The following PPP4R3B variants were observed in gnomAD, a reference collection of about 807,000 sequenced individuals.
PPP4R3B encodes the protein serine/threonine-protein phosphatase 4 regulatory subunit 3B.
Under a neutral mutation model 95.4 loss-of-function variants are expected in PPP4R3B, and 52 were observed. That is an observed-to-expected ratio of 0.54 (90% CI 0.44 to 0.69). PPP4R3B has a LOEUF of 0.69. PPP4R3B is among the 30% of genes least tolerant of loss of function. The probability of loss-of-function intolerance (pLI) is 0.00; values close to 1 mark genes in which losing one functional copy is unlikely to be tolerated. For missense variants in PPP4R3B, 1,003 were observed against 1,005.9 expected (o/e 1.00, Z 0.04); for synonymous variants, 407 against 343.9 (o/e 1.18, Z -2.03).
chr2:55,580,457 T>C (rs1227797802), intron 8 of PPP4R3B, among the ~76,000 whole-genome samples: 1 of 152,252 alleles, frequency 6.6e-6, no homozygotes, highest in South Asian at 2.1e-4. Flanking sequence ...CACATTTGAA[T>C]CTGTTTTGGA....
Position 55,598,931 on chromosome 2 carries a change from T to G in PPP4R3B, c.406A>C (p.Thr136Pro), listed in dbSNP as rs1692180998. ...PETSHLIDLPTCELNKLEEIA... is the reference protein window; with the variant it reads ...PETSHLIDLPPCELNKLEEIA... ...TCTTCAAGTTTATTGAGTTCACATG[T>G]GGGCAGGTCAATCAGATGACTAGTT... Residue 136 changes from threonine to proline, a missense_variant, in exon 4 of 17, where the codon ACA becomes CCA. By Grantham distance (38) the Thr-to-Pro change is conservative. Coordinates refer to ENST00000616407, the MANE Select transcript of PPP4R3B (RefSeq NM_001122964.3). 2 of 1,614,090 alleles carry G rather than the reference T, an allele frequency of 1.2e-6. No individual in the cohort carries two copies. Among genetic ancestry groups the G allele is most frequent in the Non-Finnish European group, 1.7e-6 (2 of 1,180,054 alleles).
In PPP4R3B at chr2:55,587,998, T is replaced by C. The variant is rs908273315; in HGVS notation, c.999+881A>G. The stretch of plus-strand genomic sequence containing the variant: ...AATATCAGATAGCTAAATTATAGAA[T>C]TGAATATGCATTACTATAACATATA... On this transcript the variant is annotated intron_variant, in intron 5 of 16. Coordinates refer to ENST00000616407, the MANE Select transcript of PPP4R3B (RefSeq NM_001122964.3). Among the ~76,000 whole-genome samples, 10 of 152,306 alleles carry C rather than the reference T, an allele frequency of 6.6e-5. No individual in the cohort carries two copies. The East Asian group carries it at 1.2e-3, about 18-fold the overall frequency.
intron 13 of PPP4R3B, among the ~76,000 whole-genome samples, chr2:55,566,375 A>G (rs1252352560): frequency 2.0e-5 from 3 of 152,220 alleles, no homozygotes; most frequent in Non-Finnish European, 2.9e-5. Flanking sequence ...CATCATGGGC[A>G]TAGGGACAGG....
In PPP4R3B at chr2:55,578,196, TCATAACAA is replaced by T. The variant is rs572602095; in HGVS notation, c.1564+43_1564+50del. 4,472 of 1,331,756 alleles carry T rather than the reference TCATAACAA, an allele frequency of 3.4e-3. 10 individuals carry two copies. The highest frequency in any genetic ancestry group is 3.7e-3 in the Non-Finnish European group (3,833 of 1,035,080). 82.5% of individuals were successfully genotyped at this position (1,331,756 alleles called of 1,614,324 possible). On this transcript the variant is annotated intron_variant, in intron 10 of 16. Coordinates refer to ENST00000616407, the MANE Select transcript of PPP4R3B (RefSeq NM_001122964.3). ...AGAAAAATAATACCGTATATACACA[TCATAACAA>T]CATAAGTAAATATAGGAGTGATACA... is the stretch of plus-strand genomic sequence containing the variant.
chr2:55,586,573 A>G (rs1480831075), intron 6 of PPP4R3B, 45 bp downstream of exon 6: 2 of 1,156,992 alleles, frequency 1.7e-6, no homozygotes, highest in Non-Finnish European at 1.3e-6. Context: ...TAAGTGTATT[A>G]CAAATTTACA....
intron 15 of PPP4R3B, among the ~76,000 whole-genome samples, chr2:55,562,770 G>A (rs570503619): frequency 2.0e-5 from 3 of 152,226 alleles, no homozygotes; most frequent in African/African-American, 7.2e-5. Context: ...TCTACATTGT[G>A]GTATCTAGCA....
chr2:55,582,403 G>A (rs991394556), intron 7 of PPP4R3B, among the ~76,000 whole-genome samples: 2 of 152,106 alleles, frequency 1.3e-5, no homozygotes, highest in South Asian at 4.1e-4. Flanking sequence ...AAAGGCATGA[G>A]CCACCATGCC....
intron 7 of PPP4R3B, among the ~76,000 whole-genome samples, chr2:55,582,666 T>G (rs908472344): frequency 6.6e-6 from 1 of 152,186 alleles, no homozygotes; most frequent in Non-Finnish European, 1.5e-5. Flanking sequence ...TCTGGTAAGA[T>G]CAAGAAAACA....
rs1574832386 is a variant in PPP4R3B at position 55,590,002 on chromosome 2, AT to A, written c.922-1047del. ...ATATTTAATATATTATATATATATA[AT>A]ATATATATAGTCAAGCACGCATTTT... On this transcript the variant is annotated intron_variant, in intron 4 of 16. Coordinates refer to ENST00000616407, the MANE Select transcript of PPP4R3B (RefSeq NM_001122964.3). Among the ~76,000 whole-genome samples, 4 of 144,822 alleles carry A rather than the reference AT, an allele frequency of 2.8e-5. No homozygotes were observed. In the East Asian group the frequency reaches 7.9e-4, roughly 29 times the overall value.
intron 15 of PPP4R3B, 65 bp from the exon 16 acceptor site, chr2:55,559,033 C>T (rs1686239325): frequency 2.3e-6 from 3 of 1,304,468 alleles, no homozygotes; most frequent in South Asian, 2.8e-5. Flanking sequence ...CATCTAAAAA[C>T]AGCAGTAATT....
Position 55,573,633 on chromosome 2 carries a change from G to C in PPP4R3B, c.1751C>G (p.Thr584Ser). The C allele has an allele frequency of 6.5e-7, 1 of 1,536,264 alleles. No homozygotes were observed. Among genetic ancestry groups the C allele is most frequent in the Non-Finnish European group, 8.7e-7 (1 of 1,142,976 alleles). Residue 584 changes from threonine (T) to serine (S), a missense_variant, in exon 12 of 17, where the codon ACT (threonine) becomes AGT (serine). Physicochemically the swap from Thr to Ser is moderately conservative, Grantham distance 58 (BLOSUM62 1). Around this residue, in one of 3 missense-constraint regions of PPP4R3B, gnomAD observed 79 missense variants for 124.9 expected, o/e 0.63. Coordinates refer to ENST00000616407, the MANE Select transcript of PPP4R3B (RefSeq NM_001122964.3). ...RVLVLMNSKH[T>S]FLALCALRFM... ...TTTATACTTACACAAGGCCAGAAAA[G>C]TGTGCTTTGAATTCATCAAGACCAA...
At chr2:55,594,462 T>A (rs1195520621) in intron 4 of PPP4R3B, among the ~76,000 whole-genome samples, 1 of 152,154 alleles carries the variant, frequency 6.6e-6, no homozygotes, top group Admixed American at 6.5e-5. Context: ...AATAAAAAGC[T>A]GCACTTGATT....
intron 7 of PPP4R3B, among the ~76,000 whole-genome samples, chr2:55,583,419 T>C (rs1471297115): frequency 6.6e-6 from 1 of 152,278 alleles, no homozygotes; most frequent in East Asian, 1.9e-4. Flanking sequence ...AATCAATCAC[T>C]GCTTTTCTAA....
chr2:55,610,444 A>C (rs1169467674), intron 2 of PPP4R3B, among the ~76,000 whole-genome samples: 2 of 152,172 alleles, frequency 1.3e-5, no homozygotes, highest in Non-Finnish European at 2.9e-5. Flanking sequence ...CACTGCTACA[A>C]ATAGGCTTAA....
At position 55,558,812 on chromosome 2, in the gene PPP4R3B, T is replaced by C. The variant is rs1169534638; in HGVS notation, c.2417A>G (p.Lys806Arg). ...PPATSNGSSS[K>R]TTNLPTSVTA... ...TACTGACGTAGGCAAGTTTGTGGTTTTGGAAGAGGATCCATTAGAAGTTGC... is the reference window on the plus strand; with the variant it reads ...TACTGACGTAGGCAAGTTTGTGGTTCTGGAAGAGGATCCATTAGAAGTTGC... Residue 806 changes from lysine (K) to arginine (R), a missense_variant, in exon 16 of 17, where the codon AAA becomes AGA. By Grantham distance (26) the Lys-to-Arg change is conservative (BLOSUM62 2). Around this residue, in one of 3 missense-constraint regions of PPP4R3B, gnomAD observed 229 missense variants for 194.7 expected, o/e 1.18. Transcript: ENST00000616407. 3 of 1,612,832 alleles carry C rather than the reference T, an allele frequency of 1.9e-6. No homozygotes were observed. Among genetic ancestry groups the C allele is most frequent in the East Asian group, 2.2e-5 (1 of 44,828 alleles).
intron 5 of PPP4R3B, among the ~76,000 whole-genome samples, chr2:55,588,231 C>T (rs773435284): frequency 2.6e-5 from 4 of 152,088 alleles, no homozygotes; most frequent in African/African-American, 9.7e-5. Flanking sequence ...AAAAGCATTG[C>T]GGCTAGGCGC....
intron 3 of PPP4R3B, among the ~76,000 whole-genome samples, chr2:55,600,790 T>A (rs1692457862): frequency 6.7e-6 from 1 of 149,210 alleles, no homozygotes; most frequent in African/African-American, 2.5e-5. Context: ...CAATGACAAA[T>A]GGAAAGGAGA....
intron 7 of PPP4R3B, among the ~76,000 whole-genome samples, chr2:55,582,249 A>C (rs1296722329): frequency 7.9e-5 from 12 of 152,184 alleles, no homozygotes; most frequent in Admixed American, 7.9e-4. Context: ...TACATTAGTA[A>C]CATGCTCTTG....
chr2:55,612,174 G>A (rs1479483793), intron 2 of PPP4R3B, among the ~76,000 whole-genome samples: 1 of 152,124 alleles, frequency 6.6e-6, no homozygotes, highest in Non-Finnish European at 1.5e-5. Context: ...AGCTGAGATG[G>A]GAGGATCACT....
Sources: gnomAD v4.1 joint callset for allele counts (sites outside exome capture counted in the v4.1 genomes callset) on GRCh38, gnomAD v4.1.1 for gene constraint, gnomAD v4.1.1 regional missense constraint, MANE v1.5 for transcripts, NCBI Gene and HGNC (gene_info 2026-07-23, HGNC 2026-07-21) for gene names.